TASP1: variants seen among roughly 807,000 people sequenced by gnomAD.
TASP1 encodes threonine aspartase 1.
TASP1 carries 16 observed loss-of-function variants against 56.6 expected under a neutral mutation model. That is an observed-to-expected ratio of 0.28 (90% CI 0.19 to 0.43). The LOEUF (loss-of-function observed/expected upper bound fraction) is 0.43. Among genes scored for constraint, TASP1 ranks in the 20% least tolerant of loss-of-function variants. The pLI is 1.00. For missense variants in TASP1, 393 were observed against 511.6 expected (o/e 0.77, Z 2.24); for synonymous variants, 179 against 184.2 (o/e 0.97, Z 0.23).
the TASP1 span, among the ~76,000 whole-genome samples, chr20:13,214,356 T>A: frequency 0.1 from 15,652 of 152,102 alleles, 1,113 homozygotes; most frequent in East Asian, 0.29. Flanking sequence ...TGTGTTCTCT[T>A]AAGCTCTCTT....
chr20:13,321,382 TAG>T, the TASP1 span, among the ~76,000 whole-genome samples: 1 of 151,690 alleles, frequency 6.6e-6, no homozygotes, highest in South Asian at 2.1e-4. Context: ...TTCTTACAGC[TAG>T]TGTGGTAGAC....
chr20:13,152,694 A>C, the TASP1 span, among the ~76,000 whole-genome samples: 1 of 152,200 alleles, frequency 6.6e-6, no homozygotes, highest in African/African-American at 2.4e-5. Flanking sequence ...GAATTATTCC[A>C]ACTGATTAAG....
chr20:13,407,551 T>A (rs1231955651), intron 13 of TASP1, among the ~76,000 whole-genome samples: 1 of 152,234 alleles, frequency 6.6e-6, no homozygotes, highest in African/African-American at 2.4e-5. Flanking sequence ...ATGCACAAGT[T>A]TTCATGTGGA....
At chr20:13,214,545 A>T in the TASP1 span, among the ~76,000 whole-genome samples, 1 of 147,312 alleles carries the variant, frequency 6.8e-6, no homozygotes, top group Non-Finnish European at 1.5e-5. Context: ...ACACACACAC[A>T]CACACACACA....
the TASP1 span, among the ~76,000 whole-genome samples, chr20:13,283,852 T>A: frequency 6.6e-6 from 1 of 152,190 alleles, no homozygotes; most frequent in Admixed American, 6.5e-5. Context: ...GATTTCACAG[T>A]GATTTTTTTT....
intron 11 of TASP1, among the ~76,000 whole-genome samples, chr20:13,441,544 T>C (rs372344097): frequency 6.6e-6 from 1 of 152,042 alleles, no homozygotes; most frequent in Non-Finnish European, 1.5e-5. Context: ...TCCAGGCAGA[T>C]CAATCAGCAA....
At chr20:13,542,718 T>G (rs2045668193) in intron 8 of TASP1, among the ~76,000 whole-genome samples, 2 of 152,064 alleles carry the variant, frequency 1.3e-5, no homozygotes, top group Non-Finnish European at 2.9e-5. Flanking sequence ...AGATTAAAAA[T>G]TCTTCTAAAT....
intron 10 of TASP1, among the ~76,000 whole-genome samples, chr20:13,499,528 A>G (rs1293382864): frequency 1.3e-5 from 2 of 151,998 alleles, no homozygotes; most frequent in African/African-American, 4.8e-5. Flanking sequence ...TAGTTACTTC[A>G]CCCAGTTTTT....
the TASP1 span, among the ~76,000 whole-genome samples, chr20:13,146,506 T>C: frequency 5.9e-5 from 9 of 152,358 alleles, no homozygotes; most frequent in African/African-American, 2.2e-4. Flanking sequence ...ATTTAATGTG[T>C]AAAATTACAT....
the TASP1 span, among the ~76,000 whole-genome samples, chr20:13,157,785 T>C: frequency 6.6e-6 from 1 of 152,170 alleles, no homozygotes; most frequent in Admixed American, 6.5e-5. Context: ...TGTGTTTCCT[T>C]CTGTGATATT....
chr20:13,194,490 G>C, the TASP1 span, among the ~76,000 whole-genome samples: 1 of 151,844 alleles, frequency 6.6e-6, no homozygotes, highest in South Asian at 2.1e-4. Context: ...AACAAAAGGA[G>C]TTTCTTAGTT....
At chr20:13,395,074 G>A (rs570521235) in intron 13 of TASP1, among the ~76,000 whole-genome samples, 102 of 152,284 alleles carry the variant, frequency 6.7e-4, no homozygotes, top group African/African-American at 2.2e-3. Flanking sequence ...CTTAGAAACT[G>A]CTCTTGTATG....
the TASP1 span, among the ~76,000 whole-genome samples, chr20:13,280,692 C>T: frequency 6.6e-6 from 1 of 152,242 alleles, no homozygotes; most frequent in African/African-American, 2.4e-5. Flanking sequence ...ACTCGTAAGG[C>T]CCTCAGCCTG....
chr20:13,623,413 A>C, intron 4 of TASP1, 33 bp downstream of exon 4: 1 of 1,572,796 alleles, frequency 6.4e-7, no homozygotes, highest in Non-Finnish European at 8.7e-7. Flanking sequence ...ATAAACTCAC[A>C]AATATTTTAA....
the TASP1 span, among the ~76,000 whole-genome samples, chr20:13,242,375 T>C: frequency 2.6e-5 from 4 of 152,162 alleles, no homozygotes; most frequent in Non-Finnish European, 4.4e-5. Context: ...AGTTTTTGTT[T>C]TTATTTTTCA....
At chr20:13,107,620 T>G in the TASP1 span, among the ~76,000 whole-genome samples, 1 of 152,120 alleles carries the variant, frequency 6.6e-6, no homozygotes, top group Non-Finnish European at 1.5e-5. Flanking sequence ...AAAAGGAAAG[T>G]GGCATGAAAT....
chr20:13,204,528 C>CATATATTATATATAT, the TASP1 span, among the ~76,000 whole-genome samples: 2 of 145,322 alleles, frequency 1.4e-5, no homozygotes, highest in African/African-American at 5.0e-5. Context: ...TTTATATATT[C>CATATATTATATATAT]ATATATATAT....
chr20:13,465,346 C>A (rs965367984), intron 11 of TASP1, among the ~76,000 whole-genome samples: 23 of 151,838 alleles, frequency 1.5e-4, no homozygotes, highest in African/African-American at 5.6e-4. Flanking sequence ...ACAAACCTAG[C>A]AAAGATGTGG....
the TASP1 span, chr20:13,299,459 A>G: frequency 8.6e-5 from 137 of 1,592,580 alleles, 1 homozygote; most frequent in South Asian, 1.1e-3. This position sits in a 1 kb window ranked among gnomAD's most constrained non-coding sequence, Gnocchi z 5.8. Flanking sequence ...GGGAATATTA[A>G]AGAGACTGGG....
Sources: gnomAD v4.1 joint callset for allele counts (sites outside exome capture counted in the v4.1 genomes callset) on GRCh38, gnomAD v4.1.1 for gene constraint, Gnocchi (gnomAD v3.1) non-coding constraint, MANE v1.5 for transcripts, NCBI Gene and HGNC (gene_info 2026-07-23, HGNC 2026-07-21) for gene names.